The following LRRC74A variants were observed in gnomAD, a reference collection of about 807,000 sequenced individuals.
LRRC74A encodes leucine rich repeat containing 74A.
Under a neutral mutation model 57.9 loss-of-function variants are expected in LRRC74A, and 44 were observed. The observed-to-expected ratio is 0.76, with a 90% confidence interval of 0.60 to 0.98. The LOEUF is 0.98. Among genes scored for constraint, LRRC74A ranks in the 50% least tolerant of loss-of-function variants. The pLI, the probability that LRRC74A is intolerant of heterozygous loss-of-function variation, is 0.00. For missense variants in LRRC74A, 572 were observed against 574.0 expected, an observed-to-expected ratio of 1.00 and a Z score of 0.04; for synonymous variants, 211 against 219.4, an observed-to-expected ratio of 0.96 and a Z score of 0.34.
chr14:76,829,041 C>A (rs1042951885), intron 2 of LRRC74A: 2 of 1,289,380 alleles, frequency 1.6e-6, no homozygotes, highest in Non-Finnish European at 1.0e-6. Flanking sequence ...TGAGCTGAAA[C>A]AAAGACTCTG....
intron 2 of LRRC74A, 127 bp downstream of exon 2, chr14:76,828,546 T>A: frequency 6.9e-7 from 1 of 1,441,382 alleles, no homozygotes; most frequent in Non-Finnish European, 9.7e-7. Context: ...GGAGGAAATG[T>A]GGCAGAAAGG....
Position 76,828,301 on chromosome 14 carries a change from A to G in LRRC74A, c.48A>G (p.Glu16=). The change falls in exon 2 of 14, where the codon GAA becomes GAG. Residue 16 remains glutamate, a synonymous_variant. Coordinates refer to ENST00000689127, the MANE Select transcript of LRRC74A (RefSeq NM_001385106.1). ...AGTTTTTTCTTCCAGATGAGATTGA[A>G]ATTGAGCCAGTACGACAGAGCAGCG... is the stretch of plus-strand genomic sequence containing the variant. ...PLQPETEDEI[E]IEPVRQSSDK... 1 of 1,595,458 alleles carries G rather than the reference A, an allele frequency of 6.3e-7. No homozygotes were observed. Among genetic ancestry groups the G allele is most frequent in the Non-Finnish European group, 8.6e-7 (1 of 1,165,778 alleles).
At chr14:76,869,913 T>C (rs2140321905) in intron 13 of LRRC74A, among the ~76,000 whole-genome samples, 1 of 152,298 alleles carries the variant, frequency 6.6e-6, no homozygotes, top group East Asian at 1.9e-4. Context: ...GTGCATGCCT[T>C]TCCCACATAC....
chr14:76,852,556 A>C, intron 8 of LRRC74A, 106 bp downstream of exon 8: 2 of 722,092 alleles, frequency 2.8e-6, no homozygotes, highest in African/African-American at 1.8e-5. Flanking sequence ...CAATGAGGGC[A>C]TACTGGGCTC....
At chr14:76,841,381 CTTTTTTCAAAGTAATCTTGAATCT>C (rs1220018889) in intron 5 of LRRC74A, among the ~76,000 whole-genome samples, 5 of 152,156 alleles carry the variant, frequency 3.3e-5, no homozygotes, top group Non-Finnish European at 7.3e-5. Context: ...AAGACTACCC[CTTTTTTCAAAGTAATCTTGAATCT>C]TTTTTTCAAA....
intron 7 of LRRC74A, 33 bp from the exon 8 acceptor site, chr14:76,852,332 G>A (rs1897552770): frequency 2.0e-6 from 3 of 1,533,988 alleles, no homozygotes; most frequent in Non-Finnish European, 2.7e-6. Flanking sequence ...CTGGGCTGTG[G>A]GAGATGCTAA....
chr14:76,849,639 T>C (rs1228450675), intron 7 of LRRC74A, among the ~76,000 whole-genome samples: 4 of 140,202 alleles, frequency 2.9e-5, no homozygotes, highest in African/African-American at 1.0e-4. Flanking sequence ...CTGTCTCTAC[T>C]AAAAATACAA....
At chr14:76,834,483 T>C (rs1027285567) in intron 3 of LRRC74A, among the ~76,000 whole-genome samples, 1 of 152,224 alleles carries the variant, frequency 6.6e-6, no homozygotes, top group East Asian at 1.9e-4. Flanking sequence ...GATTAACTTT[T>C]CACATGTTTG....
At chr14:76,827,703 T>G (rs567346760) in intron 1 of LRRC74A, among the ~76,000 whole-genome samples, 21 of 152,340 alleles carry the variant, frequency 1.4e-4, no homozygotes, top group African/African-American at 4.3e-4. Flanking sequence ...AGGGAGATTT[T>G]CAAGCCCCTC....
At chr14:76,844,365 G>A (rs1896977695) in intron 5 of LRRC74A, 58 bp from the exon 6 acceptor site, 1 of 1,498,658 alleles carries the variant, frequency 6.7e-7, no homozygotes, top group Admixed American at 1.8e-5. Context: ...GCAGGGGGTG[G>A]GAGAGGAAGG....
intron 7 of LRRC74A, among the ~76,000 whole-genome samples, chr14:76,850,844 CAAAAAAAAAAAA>C (rs36208311): frequency 0.59 from 77,737 of 131,034 alleles, 21,047 homozygotes; most frequent in Middle Eastern, 0.72. Context: ...AACTCTGTCT[CAAAAAAAAAAAA>C]AAAAAAAAGA....
chr14:76,850,667 GAC>G lies in LRRC74A; in HGVS notation c.677-1697_677-1696del, dbSNP rs1257985825. ...GGATCACCTGAGGTCAGGAGTTCGA[GAC>G]CAGCCTGACCAACATGATGAAACCC... On this transcript the variant is annotated intron_variant, in intron 7 of 13. Coordinates refer to ENST00000689127, the MANE Select transcript of LRRC74A (RefSeq NM_001385106.1). Among the ~76,000 whole-genome samples the G allele has an allele frequency of 3.3e-5, 5 of 152,084 alleles. No homozygotes were observed. In the South Asian group the frequency reaches 6.2e-4, roughly 19 times the overall value.
At chr14:76,844,061 C>T (rs539100737) in intron 5 of LRRC74A, among the ~76,000 whole-genome samples, 2 of 152,198 alleles carry the variant, frequency 1.3e-5, no homozygotes, top group East Asian at 3.9e-4. Flanking sequence ...TGCAGTGGCA[C>T]CAACATGGCA....
intron 5 of LRRC74A, among the ~76,000 whole-genome samples, chr14:76,841,074 C>T (rs1896735586): frequency 6.6e-6 from 1 of 151,744 alleles, no homozygotes; most frequent in Admixed American, 6.6e-5. Context: ...CGGAGTCTCC[C>T]TCTGTCGCCC....
In LRRC74A at chr14:76,857,452, A is replaced by C; in HGVS notation, c.1030A>C (p.Arg344=). The C allele has an allele frequency of 6.3e-7, 1 of 1,581,698 alleles. No individual in the cohort carries two copies. The highest frequency in any genetic ancestry group is 8.6e-7 in the Non-Finnish European group (1 of 1,162,202). The change falls in exon 10 of 14, where the codon AGG becomes CGG. Residue 344 remains arginine, a synonymous_variant. Coordinates refer to ENST00000689127, the MANE Select transcript of LRRC74A (RefSeq NM_001385106.1). ...ILAIKRNPKS[R]MEELDISNVL... is the part of the protein sequence containing the mutation. ...GGCTATCAAGAGGAACCCCAAATCC[A>C]GGATGGAAGAGCTTGATATTTCCGT... is the stretch of plus-strand genomic sequence containing the variant.
intron 5 of LRRC74A, among the ~76,000 whole-genome samples, chr14:76,841,229 A>T (rs1823813859): frequency 6.6e-6 from 1 of 151,992 alleles, no homozygotes; most frequent in Non-Finnish European, 1.5e-5. Flanking sequence ...TTTAGTAGAG[A>T]CAGAGTTTTG....
chr14:76,865,983 C>A lies in LRRC74A; in HGVS notation c.1216C>A (p.His406Asn). The A allele has an allele frequency of 4.4e-6, 7 of 1,595,208 alleles. No homozygotes were observed. The highest frequency in any genetic ancestry group is 6.0e-6 in the Non-Finnish European group (7 of 1,164,708). ...CTTCTCTCAGAGCTATGCAGACCAA[C>A]ACAAAATCACGATCGTGGACTTCTT... ...MKLIQSYADQ[H>N]KITIVDFFKS... The change falls in exon 12 of 14, where the codon CAC becomes AAC. Residue 406 changes from histidine to asparagine, a missense_variant. By Grantham distance (68) the His-to-Asn change is moderately conservative. Transcript: ENST00000689127.
At chr14:76,840,634 G>A (rs1896695209) in intron 5 of LRRC74A, among the ~76,000 whole-genome samples, 1 of 145,954 alleles carries the variant, frequency 6.9e-6, no homozygotes. Context: ...CCAGGCTGGA[G>A]TGCAGTGGCA....
chr14:76,857,940 T>C (rs1224037262), intron 10 of LRRC74A, among the ~76,000 whole-genome samples: 1 of 152,198 alleles, frequency 6.6e-6, no homozygotes, highest in Non-Finnish European at 1.5e-5. Flanking sequence ...GAAAATCTCT[T>C]GATAAAGGAG....
Sources: allele counts gnomAD v4.1 joint callset (sites outside exome capture counted in the v4.1 genomes callset), GRCh38; gene constraint gnomAD v4.1.1; transcripts MANE v1.5; gene names NCBI Gene and HGNC (gene_info 2026-07-23, HGNC 2026-07-21).